Variants in PLCG2 observed in about 807,000 individuals in gnomAD.
PLCG2 encodes the protein phospholipase C gamma 2, also known as 1-phosphatidylinositol 4,5-bisphosphate phosphodiesterase gamma-2.
PLCG2 carries 69 observed loss-of-function variants against 175.6 expected under a neutral mutation model. The observed-to-expected ratio is 0.39, with a 90% CI of 0.32 to 0.48. PLCG2 has a LOEUF of 0.48. Ranked by LOEUF, PLCG2 falls within the 20% of genes least tolerant of loss-of-function variation. The probability of loss-of-function intolerance (pLI) is 0.91; values close to 1 mark genes in which losing one functional copy is unlikely to be tolerated. For missense variants in PLCG2, 1,798 were observed against 1,650.9 expected (o/e 1.09, Z -1.54); for synonymous variants, 827 against 624.0 (o/e 1.33, Z -4.85).
chr16:81,881,017 C>T (rs781071669), intron 8 of PLCG2, 64 bp downstream of exon 8: 419 of 1,522,720 alleles, frequency 2.8e-4, no homozygotes, highest in South Asian at 7.4e-4. Context: ...GGTGCCCAGC[C>T]GGCCTCCAGG....
chr16:81,885,927 G>A (rs1223234723), intron 9 of PLCG2, among the ~76,000 whole-genome samples: 1 of 152,178 alleles, frequency 6.6e-6, no homozygotes, highest in Admixed American at 6.5e-5. Context: ...CCCAACCTGA[G>A]ACTAAGTTTG....
intron 1 of PLCG2, among the ~76,000 whole-genome samples, chr16:81,784,298 T>G (rs1910872780): frequency 6.6e-6 from 1 of 152,188 alleles, no homozygotes; most frequent in Non-Finnish European, 1.5e-5. Flanking sequence ...CCTTCCCCAA[T>G]GGCTGATTAA....
chr16:81,817,107 A>G (rs1473580308), intron 2 of PLCG2, among the ~76,000 whole-genome samples: 2 of 152,166 alleles, frequency 1.3e-5, no homozygotes, highest in African/African-American at 4.8e-5. Context: ...CGGATGGTAA[A>G]CAGGGAGGTG....
At chr16:81,824,788 T>C (rs2143353209) in intron 2 of PLCG2, among the ~76,000 whole-genome samples, 1 of 152,304 alleles carries the variant, frequency 6.6e-6, no homozygotes, top group Non-Finnish European at 1.5e-5. Flanking sequence ...AAGGTGTCCA[T>C]GTCCTAATCT....
chr16:81,838,134 A>C (rs919746936), intron 2 of PLCG2, among the ~76,000 whole-genome samples: 82 of 151,310 alleles, frequency 5.4e-4, no homozygotes, highest in African/African-American at 1.9e-3. Flanking sequence ...GCTAGAGTGC[A>C]CTGGCTTGAT....
intron 6 of PLCG2, 49 bp downstream of exon 6, chr16:81,869,347 A>C: frequency 7.6e-7 from 1 of 1,323,902 alleles, no homozygotes. Context: ...GGAGTGACTT[A>C]GCCTCTCTCA....
At chr16:81,871,954 T>G (rs1297209707) in intron 7 of PLCG2, among the ~76,000 whole-genome samples, 1 of 152,218 alleles carries the variant, frequency 6.6e-6, no homozygotes, top group African/African-American at 2.4e-5. Flanking sequence ...TCCATTAATC[T>G]GAGATGATAT....
chr16:81,822,601 G>A (rs866710006), intron 2 of PLCG2, among the ~76,000 whole-genome samples: 2 of 151,762 alleles, frequency 1.3e-5, no homozygotes, highest in African/African-American at 2.4e-5. Flanking sequence ...CACTAAAAGT[G>A]CAAAAATTAA....
intron 31 of PLCG2, among the ~76,000 whole-genome samples, chr16:81,956,152 AT>A (rs1911558941): frequency 6.6e-6 from 1 of 152,132 alleles, no homozygotes; most frequent in Non-Finnish European, 1.5e-5. Flanking sequence ...GCATCGTGTG[AT>A]TTGTGATCTT....
intron 7 of PLCG2, among the ~76,000 whole-genome samples, chr16:81,876,101 C>A (rs1317602261): frequency 1.4e-5 from 2 of 147,254 alleles, no homozygotes; most frequent in Non-Finnish European, 3.0e-5. Flanking sequence ...TCATGGCTCA[C>A]TGCAGCCTCG....
chr16:81,859,573 C>G (rs574610446), intron 5 of PLCG2, among the ~76,000 whole-genome samples: 1 of 151,178 alleles, frequency 6.6e-6, no homozygotes, highest in Non-Finnish European at 1.5e-5. Flanking sequence ...CTCGCTCTTT[C>G]GCCCAGGCTG....
intron 30 of PLCG2, among the ~76,000 whole-genome samples, 189 bp downstream of exon 30, chr16:81,940,248 AG>A (rs1205399735): frequency 6.6e-6 from 1 of 152,130 alleles, no homozygotes; most frequent in Non-Finnish European, 1.5e-5. Context: ...AGTGGGTGAC[AG>A]GGGAGGCTAT....
intron 31 of PLCG2, among the ~76,000 whole-genome samples, chr16:81,947,302 C>T (rs945240361): frequency 3.9e-5 from 6 of 152,142 alleles, no homozygotes; most frequent in Admixed American, 6.5e-5. Flanking sequence ...GGAAAGTCGA[C>T]GCTCACAAAT....
At chr16:81,771,701 A>G (rs531257652) in intron 2 of PLCG2, among the ~76,000 whole-genome samples, 4 of 151,322 alleles carry the variant, frequency 2.6e-5, no homozygotes, top group African/African-American at 9.7e-5. Flanking sequence ...AAAAAAAACA[A>G]CAACAAAAAA....
At chr16:81,768,615 G>T (rs369899888) in intron 2 of PLCG2, among the ~76,000 whole-genome samples, 213 of 146,222 alleles carry the variant, frequency 1.5e-3, no homozygotes, top group African/African-American at 5.3e-3. Context: ...GCCCAGGCTG[G>T]AGTGCAATGG....
intron 4 of PLCG2, 78 bp from the exon 5 acceptor site, chr16:81,859,038 T>A: frequency 1.2e-6 from 1 of 856,662 alleles, no homozygotes. Context: ...TTGTGCACAT[T>A]CCGTAGGACT....
intron 4 of PLCG2, among the ~76,000 whole-genome samples, chr16:81,858,829 C>T (rs564512511): frequency 7.0e-6 from 1 of 142,788 alleles, no homozygotes. Flanking sequence ...TCAAAGTCCT[C>T]TACTTTTTAC....
At chr16:81,926,471 C>T (rs563840736) in intron 22 of PLCG2, among the ~76,000 whole-genome samples, 13 of 152,240 alleles carry the variant, frequency 8.5e-5, no homozygotes, top group East Asian at 1.9e-4. Flanking sequence ...GATTATGTCC[C>T]GTGTTGTTAG....
At chr16:81,859,225 C>A in intron 5 of PLCG2, 62 bp downstream of exon 5, 1 of 1,085,816 alleles carries the variant, frequency 9.2e-7, no homozygotes, top group Non-Finnish European at 1.4e-6. Flanking sequence ...TATCTTTAAA[C>A]CTTCCAAGGG....
Sources: gnomAD v4.1 joint callset for allele counts (sites outside exome capture counted in the v4.1 genomes callset) on GRCh38, gnomAD v4.1.1 for gene constraint, MANE v1.5 for transcripts, NCBI Gene and HGNC (gene_info 2026-07-23, HGNC 2026-07-21) for gene names.